The following KDM4B variants were observed in gnomAD, a reference collection of about 807,000 sequenced individuals.
The protein encoded by KDM4B is lysine demethylase 4B, also known as lysine-specific demethylase 4B.
Under a neutral mutation model 125.2 loss-of-function variants are expected in KDM4B, and 32 were observed. The ratio of observed to expected loss-of-function variants is 0.26; its 90% CI spans 0.19 to 0.34. The LOEUF (loss-of-function observed/expected upper bound fraction) is 0.34, where lower values mean the gene tolerates loss of function less well. KDM4B is among the 10% of genes least tolerant of loss of function. The probability of loss-of-function intolerance (pLI) is 1.00; values close to 1 mark genes in which losing one functional copy is unlikely to be tolerated. For missense variants in KDM4B, 1,190 were observed against 1,577.7 expected (o/e 0.75, Z 4.16); for synonymous variants, 721 against 677.9 (o/e 1.06, Z -0.99).
chr19:5,069,466 C>T (rs8109678), intron 6 of KDM4B, among the ~76,000 whole-genome samples: 11,201 of 151,872 alleles, frequency 0.074, 1,347 homozygotes, highest in African/African-American at 0.25. Flanking sequence ...CCTGCCACCA[C>T]GCCTGGCTAA....
chr19:5,090,296 G>A (rs1337785218), intron 9 of KDM4B, among the ~76,000 whole-genome samples: 1 of 151,336 alleles, frequency 6.6e-6, no homozygotes, highest in African/African-American at 2.4e-5. Context: ...GCAGTACCCG[G>A]TTCGTTTTGA....
intron 2 of KDM4B, among the ~76,000 whole-genome samples, chr19:5,027,182 C>G (rs939108913): frequency 1.3e-5 from 2 of 152,226 alleles, no homozygotes; most frequent in East Asian, 3.9e-4. Flanking sequence ...AGGCAGAAGC[C>G]GGTACGGTTG....
chr19:5,073,648 A>G (rs2038014992), intron 7 of KDM4B, among the ~76,000 whole-genome samples: 1 of 152,252 alleles, frequency 6.6e-6, no homozygotes, highest in South Asian at 2.1e-4. Context: ...CCTGTCCCCA[A>G]GCACTGCCAC....
At chr19:5,011,046 G>T (rs771423947) in intron 1 of KDM4B, among the ~76,000 whole-genome samples, 1 of 152,160 alleles carries the variant, frequency 6.6e-6, no homozygotes, top group Non-Finnish European at 1.5e-5. Context: ...TGGTGCTGAG[G>T]TAGGTGGTCC....
At chr19:5,017,542 G>A (rs1012184036) in intron 2 of KDM4B, among the ~76,000 whole-genome samples, 1 of 152,120 alleles carries the variant, frequency 6.6e-6, no homozygotes, top group Non-Finnish European at 1.5e-5. Context: ...GAGCAGGATG[G>A]ACGAGTCTCT....
chr19:5,010,489 C>T (rs2035693654), intron 1 of KDM4B, among the ~76,000 whole-genome samples: 6 of 152,186 alleles, frequency 3.9e-5, no homozygotes, highest in Admixed American at 3.9e-4. Context: ...AACTTTTGCT[C>T]ACCAATTTTT....
chr19:5,029,883 G>T (rs72990149), intron 2 of KDM4B, among the ~76,000 whole-genome samples: 1 of 152,302 alleles, frequency 6.6e-6, no homozygotes, highest in African/African-American at 2.4e-5. Flanking sequence ...GCGGTGGTGG[G>T]TGAAGTGCCT....
chr19:5,018,236 C>T (rs536391709), intron 2 of KDM4B, among the ~76,000 whole-genome samples: 1 of 152,252 alleles, frequency 6.6e-6, no homozygotes, highest in African/African-American at 2.4e-5. Flanking sequence ...CTATGTTGCC[C>T]AGGCTGGTCT....
In KDM4B at chr19:5,047,469, C is replaced by T. The variant is rs747818274; in HGVS notation, c.433-7C>T. The stretch of plus-strand genomic sequence containing the variant: ...GCGGTTGCCGACGCTGCTCTGCCGC[C>T]CCACAGGACGTGGCCCAGTGGAACA... On this transcript the variant is annotated splice_region_variant and splice_polypyrimidine_tract_variant and intron_variant, in intron 5 of 22. Transcript: ENST00000159111. 1 of 1,594,642 alleles carries T rather than the reference C, an allele frequency of 6.3e-7. No individual in the cohort carries two copies. The highest frequency in any genetic ancestry group is 1.1e-5 in the South Asian group (1 of 89,720).
intron 18 of KDM4B, chr19:5,138,335 G>GT: frequency 2.0e-6 from 1 of 503,532 alleles, no homozygotes; most frequent in Non-Finnish European, 3.6e-6. Flanking sequence ...GGCCTTGGGG[G>GT]CATCCTCTGC....
intron 7 of KDM4B, chr19:5,075,986 C>T (rs117895586): frequency 5.9e-4 from 96 of 164,008 alleles, no homozygotes; most frequent in Non-Finnish European, 1.2e-3. Context: ...AACTCCTCAC[C>T]GTCCCTGGCT....
chr19:5,032,846 T>G lies in KDM4B; in HGVS notation c.-25-20T>G. On this transcript the variant is annotated intron_variant, in intron 2 of 22. Coordinates refer to ENST00000159111, the MANE Select transcript of KDM4B (RefSeq NM_015015.3). The stretch of plus-strand genomic sequence containing the variant: ...GCATGGCGGCACCGCTGGTTCACCC[T>G]CTCTCGTCTTCCTCCACAGGTGTGC... 2 of 1,605,996 alleles carry G rather than the reference T, an allele frequency of 1.2e-6. No homozygotes were observed. The highest frequency in any genetic ancestry group is 1.7e-6 in the Non-Finnish European group (2 of 1,174,770).
At chr19:5,138,485 T>G (rs2039687973) in intron 18 of KDM4B, 2 of 172,292 alleles carry the variant, frequency 1.2e-5, no homozygotes, top group South Asian at 2.5e-4. Context: ...AGACCCCATC[T>G]CTATAAAAAA....
chr19:5,036,482 G>A (rs956224519), intron 3 of KDM4B, among the ~76,000 whole-genome samples: 3 of 152,220 alleles, frequency 2.0e-5, no homozygotes, highest in Admixed American at 6.5e-5. Flanking sequence ...GGAAGGCCCC[G>A]TCGGGGGTCC....
chr19:5,131,408 G>A lies in KDM4B; in HGVS notation c.1648G>A (p.Ala550Thr), dbSNP rs772454105. ...CCAGGAGCACGTGTCCTGCCAGCAG[G>A]CCTTTGAGCACTTTGCCCAGAAGGG... ...FNQEHVSCQQ[A>T]FEHFAQKGPT... Residue 550 changes from alanine (A) to threonine (T), a missense_variant, in exon 12 of 23, where the codon GCC becomes ACC. This residue lies in a region of KDM4B where 428 missense variants were observed against 405.1 expected (regional missense o/e 1.06). Coordinates refer to ENST00000159111, the MANE Select transcript of KDM4B (RefSeq NM_015015.3). 4.5e-5 allele frequency: 72 copies of A among 1,611,524 alleles called. 1 individual carries two copies. The East Asian group carries it at 1.5e-3, about 33-fold the overall frequency.
chr19:5,040,625 C>A (rs566670413), intron 4 of KDM4B, among the ~76,000 whole-genome samples: 1 of 152,212 alleles, frequency 6.6e-6, no homozygotes, highest in East Asian at 1.9e-4. Flanking sequence ...CAGGCACAGC[C>A]ACGTAGCCTC....
At chr19:4,995,322 CT>C (rs952069200) in intron 1 of KDM4B, among the ~76,000 whole-genome samples, 13 of 148,718 alleles carry the variant, frequency 8.7e-5, no homozygotes, top group African/African-American at 2.0e-4. Context: ...GGAGGCAGGT[CT>C]TTTTTTTTTG....
intron 9 of KDM4B, among the ~76,000 whole-genome samples, chr19:5,109,314 C>T (rs112429068): frequency 5.3e-5 from 8 of 152,296 alleles, no homozygotes; most frequent in East Asian, 3.9e-4. Flanking sequence ...TGGTAATCGC[C>T]GCTTGGGCAT....
intron 1 of KDM4B, among the ~76,000 whole-genome samples, chr19:5,013,116 G>A (rs1469572583): frequency 3.3e-5 from 5 of 152,344 alleles, no homozygotes; most frequent in African/African-American, 7.2e-5. Flanking sequence ...GAGAGGGAGG[G>A]CAGAAGGACC....
Sources: allele counts gnomAD v4.1 joint callset (sites outside exome capture counted in the v4.1 genomes callset), GRCh38; gene constraint gnomAD v4.1.1; regional missense constraint gnomAD v4.1.1; transcripts MANE v1.5; gene names NCBI Gene and HGNC (gene_info 2026-07-23, HGNC 2026-07-21).